NTRK3: variants seen among roughly 807,000 people sequenced by gnomAD.
NTRK3 encodes the protein neurotrophic receptor tyrosine kinase 3.
NTRK3 carries 24 observed loss-of-function variants against 91.7 expected under a neutral mutation model. The observed-to-expected ratio is 0.26, with a 90% CI of 0.19 to 0.37. The LOEUF is 0.37. NTRK3 is among the 10% of genes least tolerant of loss of function. NTRK3 has a pLI of 1.00. For missense variants in NTRK3, 880 were observed against 1,068.9 expected, an observed-to-expected ratio of 0.82 and a Z score of 2.46; for synonymous variants, 483 against 404.0, an observed-to-expected ratio of 1.20 and a Z score of -2.34.
At chr15:88,076,047 A>G (rs2047516032) in intron 13 of NTRK3, among the ~76,000 whole-genome samples, 1 of 152,244 alleles carries the variant, frequency 6.6e-6, no homozygotes, top group Admixed American at 6.5e-5. Flanking sequence ...CAGAGCATGT[A>G]TTAGTCTGTT....
chr15:88,198,694 T>C (rs1012611029), intron 3 of NTRK3, among the ~76,000 whole-genome samples: 1 of 150,440 alleles, frequency 6.6e-6, no homozygotes, highest in African/African-American at 2.5e-5. Flanking sequence ...TGCTCAGTTC[T>C]GCGCTCAGTA....
chr15:88,184,184 C>T, intron 4 of NTRK3, 41 bp downstream of exon 4: 2 of 1,603,402 alleles, frequency 1.2e-6, no homozygotes, highest in Non-Finnish European at 1.7e-6. Context: ...GCATCCACCC[C>T]TTCCACAGGG....
At chr15:87,979,116 C>T (rs951678099) in intron 14 of NTRK3, 29 of 600,898 alleles carry the variant, frequency 4.8e-5, no homozygotes, top group Admixed American at 2.1e-4. Context: ...CCTCGTAGGC[C>T]GGGAAAAAAG....
intron 10 of NTRK3, among the ~76,000 whole-genome samples, chr15:88,130,881 T>C (rs1188298161): frequency 6.6e-6 from 1 of 151,628 alleles, no homozygotes; most frequent in African/African-American, 2.4e-5. Context: ...GTACACTAGA[T>C]AATAGTGATG....
chr15:87,868,632 T>A (rs1471972997), exon 19 of NTRK3: 3 of 218,806 alleles, frequency 1.4e-5, no homozygotes, highest in Non-Finnish European at 2.8e-5. Context: ...CCTGAAGGCC[T>A]TTTCTCAAAA....
chr15:88,061,986 T>G (rs1350334251), intron 13 of NTRK3, among the ~76,000 whole-genome samples: 2 of 152,042 alleles, frequency 1.3e-5, no homozygotes, highest in Non-Finnish European at 2.9e-5. Context: ...TCAAAAATAT[T>G]TGGAAAAAAA....
At chr15:88,238,627 T>G (rs555615257) in intron 3 of NTRK3, among the ~76,000 whole-genome samples, 1 of 152,360 alleles carries the variant, frequency 6.6e-6, no homozygotes, top group African/African-American at 2.4e-5. Context: ...ATTGTGATGT[T>G]TAACGTGTAT....
intron 17 of NTRK3, among the ~76,000 whole-genome samples, chr15:87,885,956 AACAG>A (rs1223990457): frequency 6.6e-6 from 1 of 152,000 alleles, no homozygotes; most frequent in Admixed American, 6.6e-5. Context: ...CAATATATGT[AACAG>A]ACAAAGAATT....
chr15:88,218,523 G>T (rs1383961426), intron 3 of NTRK3, among the ~76,000 whole-genome samples: 1 of 152,220 alleles, frequency 6.6e-6, no homozygotes, highest in East Asian at 1.9e-4. Context: ...GACAATGCTT[G>T]CTAAGGGCTG....
intron 17 of NTRK3, among the ~76,000 whole-genome samples, chr15:87,895,561 C>A (rs1567080206): frequency 6.6e-6 from 1 of 152,280 alleles, no homozygotes; most frequent in South Asian, 2.1e-4. Context: ...CTTGAAATTG[C>A]CCTGCAAAGT....
At chr15:88,145,952 C>A (rs1237605278) in intron 6 of NTRK3, among the ~76,000 whole-genome samples, 1 of 152,196 alleles carries the variant, frequency 6.6e-6, no homozygotes, top group Non-Finnish European at 1.5e-5. Context: ...GGTCCACACA[C>A]TGCCACTATT....
exon 19 of NTRK3, chr15:87,867,146 A>G (rs1161668087): frequency 8.9e-6 from 2 of 225,348 alleles, no homozygotes; most frequent in Non-Finnish European, 1.8e-5. Flanking sequence ...TGCAAAAGCA[A>G]CTGATGAGGC....
chr15:87,938,689 T>C (rs1039695138), intron 15 of NTRK3, among the ~76,000 whole-genome samples: 2 of 152,164 alleles, frequency 1.3e-5, no homozygotes, highest in Admixed American at 1.3e-4. Flanking sequence ...AGTGCAAAAA[T>C]GTTCAGTTCA....
chr15:88,186,933 G>A (rs2046992506), intron 3 of NTRK3, among the ~76,000 whole-genome samples: 1 of 152,140 alleles, frequency 6.6e-6, no homozygotes, highest in Non-Finnish European at 1.5e-5. Flanking sequence ...TTCTCTGTCT[G>A]TGCCTCAGTT....
intron 5 of NTRK3, among the ~76,000 whole-genome samples, chr15:88,178,532 A>C (rs2046197419): frequency 6.6e-6 from 1 of 152,182 alleles, no homozygotes; most frequent in Non-Finnish European, 1.5e-5. Context: ...CTAAAGATTG[A>C]GTGCACGTTT....
intron 13 of NTRK3, among the ~76,000 whole-genome samples, chr15:88,076,585 G>C (rs1206543770): frequency 6.6e-6 from 1 of 151,038 alleles, no homozygotes; most frequent in Non-Finnish European, 1.5e-5. Context: ...CTCTCAGACA[G>C]GGGATACAAG....
chr15:88,145,772 C>T (rs548403154), intron 6 of NTRK3, among the ~76,000 whole-genome samples: 1 of 152,304 alleles, frequency 6.6e-6, no homozygotes, highest in East Asian at 1.9e-4. Context: ...AGAATAATTA[C>T]ATGCAAGACA....
intron 17 of NTRK3, among the ~76,000 whole-genome samples, chr15:87,923,300 T>A (rs1289875841): frequency 6.6e-6 from 1 of 152,210 alleles, no homozygotes; most frequent in African/African-American, 2.4e-5. Context: ...GTTCTTGCCA[T>A]GAAAGAAAGT....
At chr15:88,071,654 C>G (rs947296630) in intron 13 of NTRK3, among the ~76,000 whole-genome samples, 3 of 152,208 alleles carry the variant, frequency 2.0e-5, no homozygotes, top group Non-Finnish European at 4.4e-5. Flanking sequence ...TTATTATTCC[C>G]ATTTTATAGC....
Sources: allele counts gnomAD v4.1 joint callset (sites outside exome capture counted in the v4.1 genomes callset), GRCh38; gene constraint gnomAD v4.1.1; transcripts MANE v1.5; gene names NCBI Gene and HGNC (gene_info 2026-07-23, HGNC 2026-07-21).